Variants in SLC25A48 observed in about 807,000 individuals in gnomAD.
SLC25A48 encodes CTC-321K16.1.
In SLC25A48, 29 loss-of-function variants were observed where a neutral mutation model predicts 32.2. The observed-to-expected ratio is 0.90, with a 90% CI of 0.67 to 1.23. The LOEUF is 1.23. Ranked by LOEUF, SLC25A48 falls within the 50% of genes most tolerant of loss-of-function variation. SLC25A48 has a pLI of 0.00. For synonymous variants in SLC25A48, 164 were observed against 172.3 expected, an observed-to-expected ratio of 0.95 and a Z score of 0.38; for missense variants, 399 against 422.7, an observed-to-expected ratio of 0.94 and a Z score of 0.49.
intron 3 of SLC25A48, among the ~76,000 whole-genome samples, chr5:135,638,122 TG>T (rs1424020108): frequency 6.6e-6 from 1 of 152,234 alleles, no homozygotes; most frequent in African/African-American, 2.4e-5. Context: ...GCTGCAATTG[TG>T]TTTTGAAGCT....
intron 1 of SLC25A48, among the ~76,000 whole-genome samples, chr5:135,610,947 C>T (rs903302287): frequency 1.3e-5 from 2 of 152,086 alleles, no homozygotes; most frequent in African/African-American, 4.8e-5. Flanking sequence ...ACATGACAGC[C>T]TAATAACATA....
chr5:135,758,566 T>C (rs1451622900), intron 3 of SLC25A48, among the ~76,000 whole-genome samples: 2 of 150,804 alleles, frequency 1.3e-5, no homozygotes, highest in African/African-American at 2.4e-5. Context: ...ACTATATTAA[T>C]AGAATATCAT....
intron 3 of SLC25A48, among the ~76,000 whole-genome samples, chr5:135,640,876 C>G (rs1252640748): frequency 1.3e-5 from 2 of 152,164 alleles, no homozygotes; most frequent in African/African-American, 4.8e-5. Context: ...TATGAAAAAT[C>G]TACAGCAAAC....
chr5:135,777,296 C>T (rs1321738534), intron 3 of SLC25A48, among the ~76,000 whole-genome samples: 3 of 151,674 alleles, frequency 2.0e-5, no homozygotes, highest in South Asian at 2.1e-4. Flanking sequence ...CTTCCAATAT[C>T]GTAAAGGGTT....
At chr5:135,589,310 A>G (rs1230304749) in intron 1 of SLC25A48, among the ~76,000 whole-genome samples, 2 of 152,224 alleles carry the variant, frequency 1.3e-5, no homozygotes, top group African/African-American at 4.8e-5. Flanking sequence ...GGAAGCCCTT[A>G]GACCTTGGCT....
At chr5:135,739,916 G>A (rs755381799) in intron 3 of SLC25A48, among the ~76,000 whole-genome samples, 4 of 152,066 alleles carry the variant, frequency 2.6e-5, no homozygotes, top group East Asian at 1.9e-4. Context: ...ACATAATTAC[G>A]TGAAAGTGAA....
Position 135,871,708 on chromosome 5 carries a change from C to G in SLC25A48, c.669C>G (p.Gly223=), listed in dbSNP as rs769095937. 6.2e-7 allele frequency: 1 copy of G among 1,613,446 alleles called. No homozygotes were observed. The highest frequency in any genetic ancestry group is 8.5e-7 in the Non-Finnish European group (1 of 1,179,618). Residue 223 remains glycine, a synonymous_variant, in exon 5 of 8, where the codon GGC becomes GGG. Coordinates refer to ENST00000681962, the MANE Select transcript of SLC25A48 (RefSeq NM_001349336.2). ...GPSPCAVWLA[G]GMAGAISWGT... ...GCCCCTGTGCCGTGTGGCTGGCGGG[C>G]GGCATGGCAGGTAAGGGCAGCAGCA...
Position 135,887,523 on chromosome 5 carries a change from A to G in SLC25A48, c.*8-509A>G, listed in dbSNP as rs910520245. 2.0e-5 allele frequency among the ~76,000 whole-genome samples: 3 copies of G among 152,150 alleles called. No individual in the cohort carries two copies. The East Asian group carries it at 5.8e-4, about 29-fold the overall frequency. On this transcript the variant is annotated intron_variant, in intron 7 of 7. Transcript: ENST00000681962. ...GTGTGTATATACATATCCCTCGCCC[A>G]AAGGCTGATACCCTGCAGAACCACC...
intron 1 of SLC25A48, among the ~76,000 whole-genome samples, chr5:135,593,986 T>C (rs1355839287): frequency 6.6e-6 from 1 of 152,210 alleles, no homozygotes; most frequent in African/African-American, 2.4e-5. Context: ...ATCATCTTGT[T>C]TACCTGGCAC....
At chr5:135,796,013 G>T (rs1422038372) in intron 3 of SLC25A48, among the ~76,000 whole-genome samples, 2 of 138,694 alleles carry the variant, frequency 1.4e-5, no homozygotes, top group African/African-American at 5.1e-5. Flanking sequence ...ATCGCGAGGG[G>T]GGGGTGGGTG....
intron 1 of SLC25A48, among the ~76,000 whole-genome samples, chr5:135,612,982 T>C (rs987817142): frequency 1.3e-5 from 2 of 152,242 alleles, no homozygotes; most frequent in African/African-American, 4.8e-5. Flanking sequence ...TTTTAGTTTT[T>C]TGAGAAATCT....
chr5:135,655,537 C>T lies in SLC25A48; in HGVS notation c.-521+20581C>T, dbSNP rs183091027. The stretch of plus-strand genomic sequence containing the variant: ...TCTTCCAGAGTTTGCCAAGAAAGTC[C>T]CCAAAGGGCTGAGTGAGTTTCCTAT... On this transcript the variant is annotated intron_variant, in intron 3 of 10. Coordinates refer to the SLC25A48 transcript ENST00000646290. 1.9e-4 allele frequency among the ~76,000 whole-genome samples: 29 copies of T among 152,228 alleles called. No homozygotes were observed. In the East Asian group the frequency reaches 5.2e-3, roughly 27 times the overall value.
intron 3 of SLC25A48, among the ~76,000 whole-genome samples, chr5:135,725,929 T>C (rs1755078525): frequency 6.6e-6 from 1 of 151,978 alleles, no homozygotes; most frequent in African/African-American, 2.4e-5. Flanking sequence ...AAGCTACCCT[T>C]GTTAATGGCT....
chr5:135,615,389 G>A (rs1181531213), intron 1 of SLC25A48, among the ~76,000 whole-genome samples: 1 of 152,178 alleles, frequency 6.6e-6, no homozygotes, highest in African/African-American at 2.4e-5. Flanking sequence ...GGTCACTTTT[G>A]TTATGTGTTA....
chr5:135,778,753 G>A (rs1212376085), intron 3 of SLC25A48, among the ~76,000 whole-genome samples: 1 of 484 alleles, frequency 2.1e-3, no homozygotes, highest in Admixed American at 0.019. Context: ...ATACTGCAGG[G>A]GATGTGCACC....
chr5:135,712,606 T>C (rs1323040504), intron 3 of SLC25A48, among the ~76,000 whole-genome samples: 1 of 152,188 alleles, frequency 6.6e-6, no homozygotes, highest in Non-Finnish European at 1.5e-5. Flanking sequence ...TACTTCTGGC[T>C]TATGCCTGGT....
At chr5:135,689,460 T>C (rs1754093480) in intron 3 of SLC25A48, among the ~76,000 whole-genome samples, 1 of 152,214 alleles carries the variant, frequency 6.6e-6, no homozygotes, top group Non-Finnish European at 1.5e-5. Flanking sequence ...ACAGCATACA[T>C]ACATTGTTGA....
chr5:135,732,426 A>G (rs2069954440), intron 3 of SLC25A48, among the ~76,000 whole-genome samples: 1 of 152,192 alleles, frequency 6.6e-6, no homozygotes, highest in Non-Finnish European at 1.5e-5. Flanking sequence ...GTGTCTACCC[A>G]GACCAGAGGT....
At position 135,730,741 on chromosome 5, in the gene SLC25A48, C is replaced by A. The variant is rs564136756; in HGVS notation, c.-520-81782C>A. Among the ~76,000 whole-genome samples the A allele has an allele frequency of 7.9e-5, 12 of 152,222 alleles. No homozygotes were observed. In the South Asian group the frequency reaches 2.5e-3, roughly 32 times the overall value. The stretch of plus-strand genomic sequence containing the variant: ...CTAGAGACTTGTTGAATGGCCTTAA[C>A]CAAAATGCTGATAATGATATGGACA... On this transcript the variant is annotated intron_variant, in intron 3 of 10. Coordinates refer to the SLC25A48 transcript ENST00000646290.
Sources: gnomAD v4.1 joint callset for allele counts (sites outside exome capture counted in the v4.1 genomes callset) on GRCh38, gnomAD v4.1.1 for gene constraint, MANE v1.5 for transcripts, NCBI Gene and HGNC (gene_info 2026-07-23, HGNC 2026-07-21) for gene names.